CC2D2B: variants seen among roughly 807,000 people sequenced by gnomAD.
CC2D2B encodes the protein protein CC2D2B.
A neutral mutation model predicts 161.2 loss-of-function variants in CC2D2B; 128 were observed. That is an observed-to-expected ratio of 0.79 (90% CI 0.69 to 0.92). The LOEUF (loss-of-function observed/expected upper bound fraction) is 0.92. CC2D2B is among the 40% of genes least tolerant of loss of function. The pLI is 0.00. For synonymous variants in CC2D2B, 391 were observed against 449.8 expected (o/e 0.87, Z 1.65); for missense variants, 1,173 against 1,375.1 (o/e 0.85, Z 2.32).
At chr10:95,920,396 A>C (rs921366874) in intron 2 of CC2D2B, 11 of 152,672 alleles carry the variant, frequency 7.2e-5, no homozygotes, top group African/African-American at 2.7e-4. Context: ...CGCTTGTAAA[A>C]CCATCAGATC....
Position 95,937,935 on chromosome 10 carries a change from A to G in CC2D2B, c.337-56A>G, listed in dbSNP as rs1013237026. Reference sequence around the variant, plus strand: ...GTTCCAGTACATTTCATTTATTTGCATATTAATCATTGGAGACAAGCATGT... The same window carrying G: ...GTTCCAGTACATTTCATTTATTTGCGTATTAATCATTGGAGACAAGCATGT... On this transcript the variant is annotated intron_variant, in intron 6 of 34. Coordinates refer to ENST00000646931, the MANE Select transcript of CC2D2B (RefSeq NM_001349008.3). 29 of 1,020,242 alleles carry G rather than the reference A, an allele frequency of 2.8e-5. No individual in the cohort carries two copies. The Admixed American group carries it at 3.5e-4, about 12-fold the overall frequency. 63.2% of individuals were successfully genotyped at this position (1,020,242 alleles called of 1,614,324 possible).
intron 2 of CC2D2B, among the ~76,000 whole-genome samples, chr10:95,914,395 T>C (rs2098512097): frequency 6.6e-6 from 1 of 152,158 alleles, no homozygotes; most frequent in African/African-American, 2.4e-5. Context: ...GTAGCACAAT[T>C]TGAAGTCAGT....
intron 15 of CC2D2B, among the ~76,000 whole-genome samples, chr10:95,969,994 G>C (rs1344731161): frequency 6.6e-6 from 1 of 151,376 alleles, no homozygotes; most frequent in Middle Eastern, 3.5e-3. Context: ...AAAATAAATC[G>C]ATATGCCCTA....
rs1045194838 is a variant in CC2D2B at position 96,032,162 on chromosome 10, C to A, written c.*154C>A. ...CTTACAGAGCTGGGCACTATGGAGA[C>A]TCGCACCCCTGAGTGAGTCTTTGAG... is the stretch of plus-strand genomic sequence containing the variant. On this transcript the variant is annotated 3_prime_UTR_variant, in exon 35 of 35. Transcript: ENST00000646931. 2 of 593,402 alleles carry A rather than the reference C, an allele frequency of 3.4e-6. No homozygotes were observed. The highest frequency in any genetic ancestry group is 5.9e-6 in the Non-Finnish European group (2 of 337,004). The allele number at this position is 593,402 out of a possible 1,614,324, so 36.8% of individuals were successfully genotyped here. A position where few individuals can be genotyped will look rare whatever the true frequency, so the allele number is the denominator to read the frequency against.
At chr10:95,970,108 C>T (rs1348447374) in intron 15 of CC2D2B, among the ~76,000 whole-genome samples, 4 of 151,752 alleles carry the variant, frequency 2.6e-5, no homozygotes, top group Admixed American at 2.6e-4. Flanking sequence ...TGATCCCAGC[C>T]ACCACAACCT....
At chr10:95,984,267 C>T (rs998528652) in intron 19 of CC2D2B, among the ~76,000 whole-genome samples, 2 of 152,290 alleles carry the variant, frequency 1.3e-5, no homozygotes, top group East Asian at 3.9e-4. Context: ...CCAGCCAGGT[C>T]TAGCACACTA....
chr10:95,988,865 C>A (rs897005345), intron 20 of CC2D2B, among the ~76,000 whole-genome samples: 2 of 152,222 alleles, frequency 1.3e-5, no homozygotes, highest in African/African-American at 4.8e-5. Context: ...TTTCTATCAA[C>A]CCCTCATCAT....
In CC2D2B at chr10:96,012,212, C is replaced by A. The variant is rs1377587418; in HGVS notation, c.3073C>A (p.Pro1025Thr). The A allele has an allele frequency of 1.2e-5, 8 of 695,254 alleles. No individual in the cohort carries two copies. Among genetic ancestry groups the A allele is most frequent in the Non-Finnish European group, 1.9e-5 (7 of 377,762 alleles). The allele number at this position is 695,254 out of a possible 1,614,324, so 43.1% of individuals were successfully genotyped here. Residue 1025 changes from proline to threonine, a missense_variant, in exon 27 of 35, where the codon CCA (proline) becomes ACA (threonine). Transcript: ENST00000646931. ...EISGTFQVTI[P>T]PVLLGYTWSN... is the part of the protein sequence containing the mutation. ...TAGTGGAACATTTCAAGTAACTATTCCACCAGTTTTGCTCGGGTATACTTG... is the reference window on the plus strand; with the variant it reads ...TAGTGGAACATTTCAAGTAACTATTACACCAGTTTTGCTCGGGTATACTTG...
chr10:95,987,632 G>A (rs1412590798), intron 19 of CC2D2B, among the ~76,000 whole-genome samples: 2 of 152,076 alleles, frequency 1.3e-5, no homozygotes, highest in East Asian at 3.9e-4. Flanking sequence ...GAAGCATCCT[G>A]ACAATCTTAT....
At chr10:96,004,891 T>C (rs1590846295) in intron 25 of CC2D2B, among the ~76,000 whole-genome samples, 1 of 152,212 alleles carries the variant, frequency 6.6e-6, no homozygotes. Context: ...CAATTAATTC[T>C]ACCTGGAGGG....
chr10:95,995,044 G>A (rs1050142257), intron 22 of CC2D2B, among the ~76,000 whole-genome samples: 1 of 151,970 alleles, frequency 6.6e-6, no homozygotes, highest in Non-Finnish European at 1.5e-5. Context: ...TATCATAGAC[G>A]AGATCTAATC....
At chr10:96,025,192 A>ATATATATATAT (rs1554853793) in intron 33 of CC2D2B, among the ~76,000 whole-genome samples, 7 of 49,204 alleles carry the variant, frequency 1.4e-4, no homozygotes, top group South Asian at 7.6e-4. Context: ...TATAAAAAAA[A>ATATATATATAT]ATATATATAT....
At chr10:96,023,876 G>A (rs542977874) in intron 32 of CC2D2B, among the ~76,000 whole-genome samples, 211 of 152,288 alleles carry the variant, frequency 1.4e-3, no homozygotes, top group African/African-American at 4.5e-3. Context: ...TTTGTGTTTC[G>A]AACAAGTTCC....
intron 28 of CC2D2B, 23 bp from the exon 29 acceptor site, chr10:96,013,765 A>G (rs1167080150): frequency 6.8e-7 from 1 of 1,462,458 alleles, no homozygotes; most frequent in Admixed American, 1.7e-5. Context: ...GCACACACTC[A>G]ATAAATGTGA....
chr10:95,948,169 T>C (rs1356962984), intron 9 of CC2D2B, among the ~76,000 whole-genome samples: 1 of 151,432 alleles, frequency 6.6e-6, no homozygotes, highest in Non-Finnish European at 1.5e-5. Context: ...AAAGTTCATA[T>C]GGAACCAAAA....
chr10:96,030,263 C>G (rs183971963), intron 34 of CC2D2B, among the ~76,000 whole-genome samples: 130 of 152,122 alleles, frequency 8.5e-4, no homozygotes, highest in Non-Finnish European at 1.4e-3. Context: ...AAAGACATCT[C>G]AAACTCAGCA....
At chr10:96,025,931 A>T (rs2079751861) in intron 33 of CC2D2B, among the ~76,000 whole-genome samples, 3 of 151,972 alleles carry the variant, frequency 2.0e-5, no homozygotes, top group Admixed American at 2.0e-4. Context: ...TGTCATTCTT[A>T]CTCCTCATTT....
intron 24 of CC2D2B, chr10:96,000,035 G>A (rs760854655): frequency 1.3e-4 from 182 of 1,413,994 alleles, no homozygotes; most frequent in Non-Finnish European, 1.7e-4. Context: ...AATGCCAACA[G>A]CATGTTGGGT....
intron 11 of CC2D2B, among the ~76,000 whole-genome samples, chr10:95,956,138 C>G (rs1284181209): frequency 6.6e-6 from 1 of 152,130 alleles, no homozygotes; most frequent in Non-Finnish European, 1.5e-5. Context: ...TTAAAGTAGT[C>G]CCAGATTGGC....
Sources: gnomAD v4.1 joint callset for allele counts (sites outside exome capture counted in the v4.1 genomes callset) on GRCh38, gnomAD v4.1.1 for gene constraint, MANE v1.5 for transcripts, NCBI Gene and HGNC (gene_info 2026-07-23, HGNC 2026-07-21) for gene names.